The following HS3ST3A1 variants were observed in gnomAD, a reference collection of about 807,000 sequenced individuals.
The protein encoded by HS3ST3A1 is heparan sulfate glucosamine 3-O-sulfotransferase 3A1.
In HS3ST3A1, 19 loss-of-function variants were observed where a neutral mutation model predicts 25.7. That is an observed-to-expected ratio of 0.74 (90% CI 0.52 to 1.08). The LOEUF (loss-of-function observed/expected upper bound fraction) is 1.08. HS3ST3A1 is among the 50% of genes least tolerant of loss of function. The pLI, the probability that HS3ST3A1 is intolerant of heterozygous loss-of-function variation, is 0.00. For synonymous variants in HS3ST3A1, 226 were observed against 278.6 expected, an observed-to-expected ratio of 0.81 and a Z score of 1.88; for missense variants, 459 against 594.3, an observed-to-expected ratio of 0.77 and a Z score of 2.37.
At position 13,595,559 on chromosome 17, in the gene HS3ST3A1, A is replaced by G. The variant is rs183059503; in HGVS notation, c.599+4972T>C. Among the ~76,000 whole-genome samples, 3 of 152,336 alleles carry G rather than the reference A, an allele frequency of 2.0e-5. No individual in the cohort carries two copies. In the East Asian group the frequency reaches 5.8e-4, roughly 29 times the overall value. On this transcript the variant is annotated intron_variant, in intron 1 of 1. Transcript: ENST00000284110. ...TGAGGGAGTACAATTTCCTCTGATT[A>G]CATATTAGAGGCACATATTTAATAA...
chr17:13,511,083 C>T (rs759953957), intron 1 of HS3ST3A1, among the ~76,000 whole-genome samples: 3 of 152,106 alleles, frequency 2.0e-5, no homozygotes, highest in South Asian at 2.1e-4. Flanking sequence ...CGTACCACTA[C>T]GAAGAAGTAA....
At chr17:13,595,337 G>A (rs1908545687) in intron 1 of HS3ST3A1, among the ~76,000 whole-genome samples, 1 of 152,142 alleles carries the variant, frequency 6.6e-6, no homozygotes, top group South Asian at 2.1e-4. Context: ...TACTCAGGAT[G>A]TCCAATACTG....
intron 1 of HS3ST3A1, among the ~76,000 whole-genome samples, chr17:13,503,658 T>A (rs1331818612): frequency 6.6e-6 from 1 of 152,084 alleles, no homozygotes; most frequent in Non-Finnish European, 1.5e-5. Context: ...AAAATGTAAA[T>A]TAAAACACAA....
intron 1 of HS3ST3A1, among the ~76,000 whole-genome samples, chr17:13,554,923 C>T (rs1178055787): frequency 6.6e-6 from 1 of 152,092 alleles, no homozygotes; most frequent in African/African-American, 2.4e-5. Flanking sequence ...AACTCTATTC[C>T]ACCCTATGTC....
At chr17:13,522,761 A>T (rs948509323) in intron 1 of HS3ST3A1, among the ~76,000 whole-genome samples, 2 of 152,050 alleles carry the variant, frequency 1.3e-5, no homozygotes, top group Non-Finnish European at 2.9e-5. Flanking sequence ...CAATAAAAAA[A>T]TGGCAAAATA....
chr17:13,588,868 T>A (rs551488057), intron 1 of HS3ST3A1, among the ~76,000 whole-genome samples: 2 of 152,300 alleles, frequency 1.3e-5, no homozygotes, highest in South Asian at 4.1e-4. Flanking sequence ...GTATTTTTAG[T>A]AGAGACGGGG....
At chr17:13,562,337 G>A (rs770912114) in intron 1 of HS3ST3A1, among the ~76,000 whole-genome samples, 6 of 152,106 alleles carry the variant, frequency 3.9e-5, no homozygotes, top group Non-Finnish European at 5.9e-5. Context: ...CGTGTGTGCC[G>A]TGGACAGACA....
rs57217155 is a variant in HS3ST3A1 at position 13,495,510 on chromosome 17, T to C, written c.*687A>G. The stretch of plus-strand genomic sequence containing the variant: ...ATTTCTAAAGGTGCAGATGTCTTCT[T>C]TTCCATTCTCCCTGGAAAAAGTGAC... On this transcript the variant is annotated 3_prime_UTR_variant, in exon 2 of 2. Transcript: ENST00000284110. 0.018 allele frequency among the ~76,000 whole-genome samples: 2,732 copies of C among 152,282 alleles called. 87 individuals carry two copies. The highest frequency in any genetic ancestry group is 0.062 in the African/African-American group (2,579 of 41,554).
At chr17:13,543,956 G>T (rs1598421345) in intron 1 of HS3ST3A1, among the ~76,000 whole-genome samples, 1 of 152,138 alleles carries the variant, frequency 6.6e-6, no homozygotes, top group East Asian at 1.9e-4. Flanking sequence ...TGGGCAAGTT[G>T]CCCAAAGTCT....
intron 1 of HS3ST3A1, among the ~76,000 whole-genome samples, chr17:13,573,524 C>T (rs934113093): frequency 6.6e-6 from 1 of 152,174 alleles, no homozygotes; most frequent in African/African-American, 2.4e-5. Context: ...CCTGAACCAA[C>T]CAGAAATCGA....
At chr17:13,513,212 AG>A (rs1239987064) in intron 1 of HS3ST3A1, among the ~76,000 whole-genome samples, 2 of 152,202 alleles carry the variant, frequency 1.3e-5, no homozygotes, top group African/African-American at 4.8e-5. Flanking sequence ...TAAACTTTCC[AG>A]ATGAGGCACT....
At chr17:13,556,592 G>T (rs1694730955) in intron 1 of HS3ST3A1, among the ~76,000 whole-genome samples, 1 of 150,306 alleles carries the variant, frequency 6.7e-6, no homozygotes, top group Non-Finnish European at 1.5e-5. Flanking sequence ...GGTGGCTCAT[G>T]CCTGTAATCC....
intron 1 of HS3ST3A1, among the ~76,000 whole-genome samples, chr17:13,522,819 T>TCACA (rs141573232): frequency 1.4e-5 from 2 of 139,316 alleles, no homozygotes; most frequent in African/African-American, 5.4e-5. Flanking sequence ...AGCTTCATAA[T>TCACA]CACACACACA....
chr17:13,501,479 T>TACA (rs10631691), intron 1 of HS3ST3A1, among the ~76,000 whole-genome samples: 123,585 of 151,962 alleles, frequency 0.81, 50,758 homozygotes, highest in East Asian at 0.94. Context: ...AATTAAACAT[T>TACA]ACAAGGTACT....
At chr17:13,546,460 G>T (rs567429550) in intron 1 of HS3ST3A1, among the ~76,000 whole-genome samples, 18 of 152,044 alleles carry the variant, frequency 1.2e-4, no homozygotes, top group Non-Finnish European at 2.4e-4. Flanking sequence ...TAGAGACAGG[G>T]TTTCACCATG....
At chr17:13,530,018 A>ACACACC (rs1555538599) in intron 1 of HS3ST3A1, among the ~76,000 whole-genome samples, 1 of 151,686 alleles carries the variant, frequency 6.6e-6, no homozygotes, top group African/African-American at 2.4e-5. Flanking sequence ...ACACACACAC[A>ACACACC]CACACACACA....
At chr17:13,507,865 G>A (rs1211823784) in intron 1 of HS3ST3A1, among the ~76,000 whole-genome samples, 3 of 152,176 alleles carry the variant, frequency 2.0e-5, no homozygotes, top group Admixed American at 2.0e-4. Context: ...CTGGGAGCAG[G>A]GGAAACTGCT....
intron 1 of HS3ST3A1, among the ~76,000 whole-genome samples, chr17:13,535,740 TA>T (rs550697347): frequency 3.3e-5 from 5 of 151,998 alleles, no homozygotes; most frequent in African/African-American, 4.8e-5. Flanking sequence ...TTCTCCCTCT[TA>T]AAAAAAATCT....
chr17:13,569,499 C>A (rs1907751692), intron 1 of HS3ST3A1, among the ~76,000 whole-genome samples: 1 of 152,228 alleles, frequency 6.6e-6, no homozygotes, highest in African/African-American at 2.4e-5. Context: ...ATGGCAGATA[C>A]ACACACCAGT....
Sources: allele counts gnomAD v4.1 joint callset (sites outside exome capture counted in the v4.1 genomes callset), GRCh38; gene constraint gnomAD v4.1.1; transcripts MANE v1.5; gene names NCBI Gene and HGNC (gene_info 2026-07-23, HGNC 2026-07-21).